The following FRMD4B variants were observed in gnomAD, a reference collection of about 807,000 sequenced individuals.
FRMD4B encodes the protein FERM domain-containing protein 4B.
FRMD4B carries 74 observed loss-of-function variants against 141.5 expected under a neutral mutation model. That is an observed-to-expected ratio of 0.52 (90% CI 0.43 to 0.63). The LOEUF (loss-of-function observed/expected upper bound fraction) is 0.63. Among genes scored for constraint, FRMD4B ranks in the 30% least tolerant of loss-of-function variants. The pLI, the probability that FRMD4B is intolerant of heterozygous loss-of-function variation, is 0.00. For missense variants in FRMD4B, 1,366 were observed against 1,253.4 expected (o/e 1.09, Z -1.36); for synonymous variants, 506 against 467.9 (o/e 1.08, Z -1.05).
intron 7 of FRMD4B, among the ~76,000 whole-genome samples, chr3:69,235,115 A>C (rs2093336032): frequency 1.3e-5 from 2 of 150,518 alleles, no homozygotes; most frequent in Non-Finnish European, 3.0e-5. Context: ...ATGCCACTGC[A>C]CTCCAGCCTG....
intron 2 of FRMD4B, among the ~76,000 whole-genome samples, chr3:69,396,506 T>TAA (rs34819810): frequency 0.038 from 5,208 of 138,070 alleles, 311 homozygotes; most frequent in African/African-American, 0.13. Flanking sequence ...CTCTGTCTCA[T>TAA]AAAAAAAAAA....
At chr3:69,355,649 T>C (rs1379691825) in intron 1 of FRMD4B, among the ~76,000 whole-genome samples, 1 of 151,938 alleles carries the variant, frequency 6.6e-6, no homozygotes, top group Non-Finnish European at 1.5e-5. Context: ...CAGATGAAGG[T>C]TGACAGACCA....
At chr3:69,405,315 T>A (rs1413754970) in intron 2 of FRMD4B, among the ~76,000 whole-genome samples, 4 of 152,348 alleles carry the variant, frequency 2.6e-5, no homozygotes, top group South Asian at 4.1e-4. Context: ...AGACTCACCA[T>A]CAGAGAGGAA....
At chr3:69,181,847 A>G (rs1365956571) in intron 20 of FRMD4B, 137 bp from the exon 21 acceptor site, 1 of 610,412 alleles carries the variant, frequency 1.6e-6, no homozygotes, top group African/African-American at 1.9e-5. Context: ...CTGACTGCAC[A>G]ATAGAATCCA....
chr3:69,305,277 T>C (rs537884574), intron 3 of FRMD4B, among the ~76,000 whole-genome samples: 31 of 152,342 alleles, frequency 2.0e-4, no homozygotes, highest in African/African-American at 7.2e-4. Flanking sequence ...GGAAAGAGTG[T>C]GTCTTTGTTT....
At chr3:69,381,668 G>A (rs1484401594) in intron 1 of FRMD4B, among the ~76,000 whole-genome samples, 1 of 152,146 alleles carries the variant, frequency 6.6e-6, no homozygotes, top group Non-Finnish European at 1.5e-5. Flanking sequence ...GATAGCAAAG[G>A]GGTAATCTTA....
chr3:69,302,764 T>G (rs1480414982), intron 3 of FRMD4B, among the ~76,000 whole-genome samples: 1 of 152,178 alleles, frequency 6.6e-6, no homozygotes, highest in Non-Finnish European at 1.5e-5. Flanking sequence ...GGATATTGTT[T>G]AAAAAAATTA....
chr3:69,187,640 G>A, intron 19 of FRMD4B, 130 bp downstream of exon 19: 6 of 775,614 alleles, frequency 7.7e-6, no homozygotes, highest in Non-Finnish European at 1.2e-5. Context: ...CTATGCCCCA[G>A]TTTTACAAGA....
intron 1 of FRMD4B, among the ~76,000 whole-genome samples, chr3:69,382,165 G>A (rs572703666): frequency 3.3e-5 from 5 of 152,140 alleles, no homozygotes; most frequent in South Asian, 2.1e-4. Flanking sequence ...TCAGCCTCCC[G>A]AGTAGCTAGG....
chr3:69,323,309 G>C (rs1240377534), intron 1 of FRMD4B, among the ~76,000 whole-genome samples: 1 of 152,030 alleles, frequency 6.6e-6, no homozygotes, highest in African/African-American at 2.4e-5. Flanking sequence ...GCTCATGCCT[G>C]TAATCCCAGC....
chr3:69,520,312 AAT>A (rs59109639), intron 1 of FRMD4B, among the ~76,000 whole-genome samples: 3 of 63,264 alleles, frequency 4.7e-5, no homozygotes, highest in African/African-American at 3.2e-4. Context: ...TATATGATGG[AAT>A]ATATATATAT....
rs1247299375 is a variant in FRMD4B, at chr3:69,181,398, T to C, written c.2352A>G (p.Gln784=). The change falls in exon 21 of 23, where the codon CAA becomes CAG. Residue 784 remains glutamine, a synonymous_variant. Coordinates refer to ENST00000398540, the MANE Select transcript of FRMD4B (RefSeq NM_015123.3). ...AAACACCATTCCTCAAACTATCCTT[T>C]TGTGCTAGGTTGGGCATGCTTCCTG... is the stretch of plus-strand genomic sequence containing the variant. ...SNSGSMPNLA[Q]KDSLRNGVYS... 10 of 1,613,720 alleles carry C rather than the reference T, an allele frequency of 6.2e-6. No individual in the cohort carries two copies. Among genetic ancestry groups the C allele is most frequent in the Non-Finnish European group, 8.5e-6 (10 of 1,179,764 alleles).
At chr3:69,441,844 T>A (rs2106864775) in intron 1 of FRMD4B, among the ~76,000 whole-genome samples, 1 of 152,284 alleles carries the variant, frequency 6.6e-6, no homozygotes, top group East Asian at 1.9e-4. Context: ...ACATTTCTAG[T>A]CTCTTGAACA....
At chr3:69,477,385 C>T (rs1706021022) in intron 1 of FRMD4B, among the ~76,000 whole-genome samples, 1 of 147,922 alleles carries the variant, frequency 6.8e-6, no homozygotes, top group Non-Finnish European at 1.5e-5. Flanking sequence ...CCCATCAATA[C>T]CTAATTTACT....
chr3:69,329,516 A>ATTTTGT lies in FRMD4B; in HGVS notation c.163-16000_163-15999insACAAAA, dbSNP rs1702296965. 8.1e-4 allele frequency among the ~76,000 whole-genome samples: 45 copies of ATTTTGT among 55,576 alleles called. 2 individuals are homozygous for ATTTTGT. The highest frequency in any genetic ancestry group is 2.6e-3 in the African/African-American group (45 of 17,092). 36.5% of individuals were successfully genotyped at this position (55,576 alleles called of 152,430 possible). A position where few individuals can be genotyped will look rare whatever the true frequency, so the allele number is the denominator to read the frequency against. ...AGGCATGCACCACCATGCCCAGCTA[A>ATTTTGT]TTTTTTTTTTTTTTTTTTTTTTTTT... On this transcript the variant is annotated intron_variant, in intron 1 of 22. Coordinates refer to ENST00000398540, the MANE Select transcript of FRMD4B (RefSeq NM_015123.3).
At chr3:69,243,100 TTGTC>T (rs1412886875) in intron 7 of FRMD4B, among the ~76,000 whole-genome samples, 2 of 152,136 alleles carry the variant, frequency 1.3e-5, no homozygotes, top group African/African-American at 2.4e-5. Flanking sequence ...AATTCTCTGT[TTGTC>T]TGTGTTGTGT....
At chr3:69,412,356 G>C (rs1704774094) in intron 2 of FRMD4B, among the ~76,000 whole-genome samples, 1 of 152,218 alleles carries the variant, frequency 6.6e-6, no homozygotes, top group African/African-American at 2.4e-5. Flanking sequence ...GTTGTTACTG[G>C]AGTCAGACTA....
intron 5 of FRMD4B, among the ~76,000 whole-genome samples, chr3:69,263,228 A>G (rs1004834181): frequency 5.9e-5 from 9 of 151,980 alleles, no homozygotes; most frequent in African/African-American, 1.7e-4. Flanking sequence ...CTGCACTCCA[A>G]CCTGGGTGAC....
At chr3:69,234,591 A>C (rs1269142000) in intron 7 of FRMD4B, among the ~76,000 whole-genome samples, 1 of 152,218 alleles carries the variant, frequency 6.6e-6, no homozygotes, top group African/African-American at 2.4e-5. Flanking sequence ...TGGACTTAAC[A>C]ACTAGAAATT....
Sources: gnomAD v4.1 joint callset for allele counts (sites outside exome capture counted in the v4.1 genomes callset) on GRCh38, gnomAD v4.1.1 for gene constraint, MANE v1.5 for transcripts, NCBI Gene and HGNC (gene_info 2026-07-23, HGNC 2026-07-21) for gene names.